ANK2: variants seen among roughly 807,000 people sequenced by gnomAD.
ANK2 encodes ankyrin-2.
ANK2 carries 83 observed loss-of-function variants against 360.5 expected under a neutral mutation model. The ratio of observed to expected loss-of-function variants is 0.23; its 90% CI spans 0.19 to 0.28. The LOEUF (loss-of-function observed/expected upper bound fraction) is 0.28. Among genes scored for constraint, ANK2 ranks in the 10% least tolerant of loss-of-function variants. ANK2 has a pLI of 1.00. For missense variants in ANK2, 4,201 were observed against 4,795.7 expected (o/e 0.88, Z 3.66); for synonymous variants, 1,740 against 1,759.5 (o/e 0.99, Z 0.28).
upstream of ANK2, among the ~76,000 whole-genome samples, chr4:113,045,954 A>T (rs2064230941): frequency 6.6e-6 from 1 of 152,216 alleles, no homozygotes; most frequent in African/African-American, 2.4e-5. Flanking sequence ...GTCCCCTATT[A>T]TATGCCATGC....
At chr4:112,827,688 C>T (rs780437562) in intron 1 of ANK2, 15 of 592,676 alleles carry the variant, frequency 2.5e-5, no homozygotes, top group Non-Finnish European at 3.3e-5. Flanking sequence ...TCTGAAATTT[C>T]GATTCCTGGA....
At chr4:112,830,568 A>G (rs1274506686) in intron 1 of ANK2, among the ~76,000 whole-genome samples, 3 of 152,208 alleles carry the variant, frequency 2.0e-5, no homozygotes, top group Non-Finnish European at 4.4e-5. Flanking sequence ...TTACCTGGGT[A>G]ACAAAATAAT....
At chr4:112,874,915 G>A (rs2074533636) in intron 1 of ANK2, among the ~76,000 whole-genome samples, 1 of 152,198 alleles carries the variant, frequency 6.6e-6, no homozygotes, top group Non-Finnish European at 1.5e-5. Context: ...ATGGTAGTCA[G>A]AAGTATGGAC....
intron 1 of ANK2, chr4:113,145,933 T>C (rs116338686): frequency 2.3e-6 from 3 of 1,289,654 alleles, no homozygotes; most frequent in Non-Finnish European, 2.0e-6. Flanking sequence ...CAAGGAAACA[T>C]GCAGGAACTG....
chr4:113,304,425 G>A (rs2076314505), intron 23 of ANK2, among the ~76,000 whole-genome samples: 1 of 152,190 alleles, frequency 6.6e-6, no homozygotes. Context: ...AATTGTATAT[G>A]TGTGCATTTG....
At chr4:112,855,593 C>T (rs909582243) in intron 1 of ANK2, among the ~76,000 whole-genome samples, 2 of 152,106 alleles carry the variant, frequency 1.3e-5, no homozygotes, top group Admixed American at 1.3e-4. Flanking sequence ...GTAACTAATA[C>T]GTATCTAGTA....
intron 9 of ANK2, among the ~76,000 whole-genome samples, chr4:113,245,780 A>G (rs1250166557): frequency 3.3e-5 from 5 of 152,126 alleles, no homozygotes; most frequent in African/African-American, 1.2e-4. Flanking sequence ...ATTTTTAGAG[A>G]ATATAATAAA....
In ANK2 at chr4:112,959,213, C is replaced by T. The variant is rs1252016160; in HGVS notation, c.21+54699C>T. Reference sequence around the variant, plus strand: ...ATAAAGTCTGGGCTTTTAGTGTACTCATCACTGGAATAGTGAACATTGTAT... The same window carrying T: ...ATAAAGTCTGGGCTTTTAGTGTACTTATCACTGGAATAGTGAACATTGTAT... On this transcript the variant is annotated intron_variant, in intron 2 of 30. Transcript: ENST00000503271. Among the ~76,000 whole-genome samples, 5 of 152,028 alleles carry T rather than the reference C, an allele frequency of 3.3e-5. No individual in the cohort carries two copies. The East Asian group carries it at 9.6e-4, about 29-fold the overall frequency.
intron 43 of ANK2, among the ~76,000 whole-genome samples, chr4:113,372,089 G>A (rs1420955487): frequency 1.3e-5 from 2 of 152,116 alleles, no homozygotes; most frequent in Admixed American, 1.3e-4. Context: ...CCTGCAAAAA[G>A]TTCTGCTAGA....
chr4:113,178,881 T>C (rs2098318688), intron 2 of ANK2, among the ~76,000 whole-genome samples: 1 of 152,192 alleles, frequency 6.6e-6, no homozygotes. Context: ...AAGTCCAAGC[T>C]TTTTTCTGCT....
the ANK2 span, among the ~76,000 whole-genome samples, chr4:112,796,808 A>G: frequency 1.7e-3 from 259 of 152,162 alleles, 7 homozygotes; most frequent in Middle Eastern, 0.024. Flanking sequence ...ACAATGATCA[A>G]TGTCTGCTAA....
chr4:113,041,492 T>C (rs1205349506), intron 2 of ANK2, among the ~76,000 whole-genome samples: 1 of 152,158 alleles, frequency 6.6e-6, no homozygotes, highest in Admixed American at 6.6e-5. Flanking sequence ...CTGGTTCTTC[T>C]ATCTCCAAAC....
chr4:113,265,347 C>CATCTAA (rs1450009421), intron 14 of ANK2, among the ~76,000 whole-genome samples: 1 of 152,164 alleles, frequency 6.6e-6, no homozygotes, highest in East Asian at 1.9e-4. Context: ...AGATGCTATA[C>CATCTAA]ATATTAAAAT....
intron 14 of ANK2, among the ~76,000 whole-genome samples, chr4:113,270,639 G>A (rs556445158): frequency 9.2e-5 from 14 of 151,576 alleles, no homozygotes; most frequent in Non-Finnish European, 1.6e-4. Context: ...CTTCCCTATA[G>A]CATTTTCTAT....
In ANK2 at chr4:112,826,547, C is replaced by T. The variant is rs74425989; in HGVS notation, c.-40+8283C>T. The T allele has an allele frequency of 3.2e-3, 4,550 of 1,434,204 alleles. 138 individuals are homozygous for T. In the African/African-American group the frequency reaches 0.054, roughly 17 times the overall value. 88.8% of individuals were successfully genotyped at this position (1,434,204 alleles called of 1,614,324 possible). A position where few individuals can be genotyped will look rare whatever the true frequency, so the allele number is the denominator to read the frequency against. ...GCACTCCAATGCAAATCAAACTTGC[C>T]CAGCCGGGCCCTGTCCTTTCACAAC... is the stretch of plus-strand genomic sequence containing the variant. On this transcript the variant is annotated intron_variant, in intron 1 of 30. Coordinates refer to the ANK2 transcript ENST00000503271.
At chr4:113,103,511 A>G (rs985481671) in intron 1 of ANK2, among the ~76,000 whole-genome samples, 1 of 152,266 alleles carries the variant, frequency 6.6e-6, no homozygotes, top group East Asian at 1.9e-4. Context: ...TTTAATGGCA[A>G]TTTTTGAAAG....
chr4:112,712,840 T>C, the ANK2 span, among the ~76,000 whole-genome samples: 2 of 152,236 alleles, frequency 1.3e-5, no homozygotes. Flanking sequence ...ATTATTAATT[T>C]AGGTTTTTAA....
chr4:112,968,173 T>C (rs2038067215), intron 2 of ANK2, among the ~76,000 whole-genome samples: 1 of 152,242 alleles, frequency 6.6e-6, no homozygotes, highest in Non-Finnish European at 1.5e-5. Flanking sequence ...AGCAGGTTAG[T>C]ATAATTCTTG....
Position 113,332,110 on chromosome 4 carries a change from C to G in ANK2, c.3224+40C>G, listed in dbSNP as rs771501100. ...AAACAAATTGATGGCTGCTGGCCCC[C>G]CATTCTTCTCCTTCTTCTGCAATAT... On this transcript the variant is annotated intron_variant, in intron 28 of 45. Transcript: ENST00000357077. The G allele has an allele frequency of 2.0e-6, 3 of 1,486,554 alleles. No homozygotes were observed. In the South Asian group the frequency reaches 3.4e-5, roughly 17 times the overall value. The allele number at this position is 1,486,554 out of a possible 1,614,324, so 92.1% of individuals were successfully genotyped here. A position where few individuals can be genotyped will look rare whatever the true frequency, so the allele number is the denominator to read the frequency against.
Sources: allele counts gnomAD v4.1 joint callset (sites outside exome capture counted in the v4.1 genomes callset), GRCh38; gene constraint gnomAD v4.1.1; transcripts MANE v1.5; gene names NCBI Gene and HGNC (gene_info 2026-07-23, HGNC 2026-07-21).